Variants in CDK5RAP2 observed in about 807,000 individuals in gnomAD.
CDK5RAP2 encodes CDK5 regulatory subunit associated protein 2, also known as CDK5 regulatory subunit-associated protein 2.
Under a neutral mutation model 232.9 loss-of-function variants are expected in CDK5RAP2, and 147 were observed. That is an observed-to-expected ratio of 0.63 (90% CI 0.55 to 0.72). CDK5RAP2 has a LOEUF of 0.72. Ranked by LOEUF, CDK5RAP2 falls within the 30% of genes least tolerant of loss-of-function variation. The pLI, the probability that CDK5RAP2 is intolerant of heterozygous loss-of-function variation, is 0.00. For missense variants in CDK5RAP2, 2,195 were observed against 2,231.5 expected, an observed-to-expected ratio of 0.98 and a Z score of 0.33; for synonymous variants, 833 against 833.7, an observed-to-expected ratio of 1.00 and a Z score of 0.01.
chr9:120,407,147 C>T lies in CDK5RAP2; in HGVS notation c.4828G>A (p.Glu1610Lys). 1 of 1,614,044 alleles carries T rather than the reference C, an allele frequency of 6.2e-7. No homozygotes were observed. The highest frequency in any genetic ancestry group is 8.5e-7 in the Non-Finnish European group (1 of 1,180,044). Residue 1610 changes from glutamate (E) to lysine (K), a missense_variant, in exon 32 of 38, where the codon GAA (glutamate) becomes AAA (lysine). Transcript: ENST00000349780. ...CTGCTCTGCAGAGTGCTGCTGGTTT[C>T]GATGCTCCTTTCTAGTTGCAAGCGC... ...ALRLQLERSI[E>K]TSSTLQSRLK...
At chr9:120,437,199 T>C in intron 25 of CDK5RAP2, 96 bp downstream of exon 25, 1 of 865,602 alleles carries the variant, frequency 1.2e-6, no homozygotes, top group Non-Finnish European at 1.9e-6. Flanking sequence ...GGGTGAAAGA[T>C]AACTAAGGCC....
chr9:120,469,302 G>A (rs1175064855), intron 17 of CDK5RAP2, among the ~76,000 whole-genome samples: 1 of 152,042 alleles, frequency 6.6e-6, no homozygotes, highest in African/African-American at 2.4e-5. Context: ...CCCTGATCAG[G>A]TGAGCTCACC....
chr9:120,525,110 T>G, intron 10 of CDK5RAP2, 32 bp from the exon 11 acceptor site: 2 of 1,510,726 alleles, frequency 1.3e-6, no homozygotes, highest in Non-Finnish European at 1.8e-6. Context: ...CAGCCAAGTA[T>G]GTAACTGGGC....
intron 33 of CDK5RAP2, 25 bp downstream of exon 33, chr9:120,404,011 A>C (rs1434203866): frequency 6.5e-7 from 1 of 1,530,922 alleles, no homozygotes; most frequent in East Asian, 2.2e-5. Context: ...ATGCTCCCAC[A>C]GTTACCTGGA....
chr9:120,526,029 C>G (rs1350924011), intron 10 of CDK5RAP2, among the ~76,000 whole-genome samples: 2 of 152,210 alleles, frequency 1.3e-5, no homozygotes, highest in East Asian at 3.9e-4. Context: ...TGCAACTATT[C>G]CTTCTGTCCC....
rs1316703200 is a variant in CDK5RAP2, at chr9:120,412,024, A to G, written c.4298-550T>C. Among the ~76,000 whole-genome samples, 6 of 151,746 alleles carry G rather than the reference A, an allele frequency of 4.0e-5. No individual in the cohort carries two copies. The East Asian group carries it at 7.8e-4, about 20-fold the overall frequency. ...TCCAAAATGCTTCCAACACTGGCCT[A>G]CTCTTTTCCGTCCTAAAGTTCAGGC... On this transcript the variant is annotated intron_variant, in intron 28 of 37. Transcript: ENST00000349780.
At chr9:120,412,820 A>G (rs1292472996) in intron 28 of CDK5RAP2, among the ~76,000 whole-genome samples, 2 of 152,204 alleles carry the variant, frequency 1.3e-5, no homozygotes, top group African/African-American at 4.8e-5. Flanking sequence ...TCCACTCTAC[A>G]GCACTACCTT....
chr9:120,517,833 G>T, intron 12 of CDK5RAP2: 1 of 379,488 alleles, frequency 2.6e-6, no homozygotes, highest in Non-Finnish European at 5.3e-6. Context: ...ACTGAGGTGG[G>T]AGGATCACTT....
intron 25 of CDK5RAP2, among the ~76,000 whole-genome samples, chr9:120,434,565 T>G (rs1188492529): frequency 2.6e-5 from 4 of 152,174 alleles, no homozygotes. Flanking sequence ...AGGAGAGGCC[T>G]GCAGCATCCA....
At chr9:120,453,970 C>A in intron 20 of CDK5RAP2, 97 bp from the exon 21 acceptor site, 1 of 1,220,282 alleles carries the variant, frequency 8.2e-7, no homozygotes, top group South Asian at 1.2e-5. Context: ...TACTGTTGCC[C>A]AGATTCCATC....
chr9:120,407,205 G>C lies in CDK5RAP2; in HGVS notation c.4770C>G (p.Asp1590Glu). 6.2e-7 allele frequency: 1 copy of C among 1,613,636 alleles called. No homozygotes were observed. The highest frequency in any genetic ancestry group is 8.5e-7 in the Non-Finnish European group (1 of 1,180,028). The part of the protein sequence containing the change: ...EGWKGQDPFR[D>E]LHSLLMEIQA... ...GGATCTCCATCAGGAGGCTGTGCAG[G>C]TCCCTGAAAGGATCCTGCCCCTTCC... is the stretch of plus-strand genomic sequence containing the variant. The change falls in exon 32 of 38, where the codon GAC (aspartate) becomes GAG (glutamate). Residue 1590 changes from aspartate to glutamate, a missense_variant. Coordinates refer to ENST00000349780, the MANE Select transcript of CDK5RAP2 (RefSeq NM_018249.6).
At chr9:120,409,420 A>T in intron 29 of CDK5RAP2, 104 bp from the exon 30 acceptor site, 1 of 878,260 alleles carries the variant, frequency 1.1e-6, no homozygotes, top group Non-Finnish European at 1.8e-6. Context: ...ATGAGATTCG[A>T]TCTGGCATTT....
At chr9:120,465,332 A>G (rs1340277106) in intron 18 of CDK5RAP2, among the ~76,000 whole-genome samples, 1 of 152,178 alleles carries the variant, frequency 6.6e-6, no homozygotes, top group East Asian at 1.9e-4. Context: ...CCTATAATGC[A>G]TGAAAAACCA....
intron 25 of CDK5RAP2, among the ~76,000 whole-genome samples, chr9:120,436,299 C>T (rs542487357): frequency 6.6e-6 from 1 of 152,188 alleles, no homozygotes; most frequent in South Asian, 2.1e-4. Context: ...AAGCGAGGGG[C>T]TAGCCTGAAC....
chr9:120,498,435 G>A (rs1418207095), intron 12 of CDK5RAP2, among the ~76,000 whole-genome samples: 1 of 152,134 alleles, frequency 6.6e-6, no homozygotes, highest in African/African-American at 2.4e-5. Context: ...GACAAAAGCT[G>A]AGCAACTGTT....
At chr9:120,511,228 T>C (rs1206730571) in intron 12 of CDK5RAP2, among the ~76,000 whole-genome samples, 1 of 152,210 alleles carries the variant, frequency 6.6e-6, no homozygotes, top group Non-Finnish European at 1.5e-5. Flanking sequence ...GGTTTGATCA[T>C]ATCCAAGAGT....
chr9:120,413,547 C>T (rs1021641965), intron 28 of CDK5RAP2, among the ~76,000 whole-genome samples: 2 of 152,162 alleles, frequency 1.3e-5, no homozygotes, highest in African/African-American at 2.4e-5. Context: ...TTTTGTAAAC[C>T]TTCCCGTCAG....
intron 20 of CDK5RAP2, among the ~76,000 whole-genome samples, chr9:120,454,968 G>A (rs1385163776): frequency 1.3e-5 from 2 of 152,090 alleles, no homozygotes; most frequent in Non-Finnish European, 2.9e-5. Context: ...CATATCTCAG[G>A]CTCTGCTTTC....
chr9:120,439,978 A>G lies in CDK5RAP2; in HGVS notation c.3149-6T>C. 1.2e-6 allele frequency: 2 copies of G among 1,610,990 alleles called. No homozygotes were observed. The highest frequency in any genetic ancestry group is 1.7e-6 in the Non-Finnish European group (2 of 1,178,206). On this transcript the variant is annotated splice_region_variant and splice_polypyrimidine_tract_variant and intron_variant, in intron 23 of 37. Transcript: ENST00000349780. ...AGGTGGGCAAATCTCAGAGTCTGAA[A>G]ATCAAATACACTTATGTCAGTATCT...
Sources: allele counts gnomAD v4.1 joint callset (sites outside exome capture counted in the v4.1 genomes callset), GRCh38; gene constraint gnomAD v4.1.1; transcripts MANE v1.5; gene names NCBI Gene and HGNC (gene_info 2026-07-23, HGNC 2026-07-21).